Variants in LRMDA observed in about 807,000 individuals in gnomAD.
LRMDA encodes the protein leucine rich melanocyte differentiation associated, also known as leucine-rich melanocyte differentiation-associated protein.
Under a neutral mutation model 29.8 loss-of-function variants are expected in LRMDA, and 18 were observed. The observed-to-expected ratio is 0.60, with a 90% CI of 0.42 to 0.90. The LOEUF is 0.90. LRMDA is among the 40% of genes least tolerant of loss of function. The pLI is 0.00. For synonymous variants in LRMDA, 125 were observed against 109.4 expected (o/e 1.14, Z -0.89); for missense variants, 273 against 273.9 (o/e 1.00, Z 0.02).
intron 2 of LRMDA, among the ~76,000 whole-genome samples, chr10:75,947,979 C>T (rs1229591229): frequency 6.6e-6 from 1 of 152,180 alleles, no homozygotes; most frequent in Non-Finnish European, 1.5e-5. Flanking sequence ...TTGGGACCCC[C>T]ACTATTACTT....
At chr10:75,952,012 A>G (rs1211090780) in intron 2 of LRMDA, among the ~76,000 whole-genome samples, 1 of 152,158 alleles carries the variant, frequency 6.6e-6, no homozygotes, top group Non-Finnish European at 1.5e-5. Flanking sequence ...CTCAAATCTA[A>G]TGACTTTTAA....
At chr10:76,229,143 C>T (rs964653757) in intron 5 of LRMDA, among the ~76,000 whole-genome samples, 1 of 152,156 alleles carries the variant, frequency 6.6e-6, no homozygotes, top group African/African-American at 2.4e-5. Flanking sequence ...CAATAATATA[C>T]CAAGTATGTC....
intron 2 of LRMDA, among the ~76,000 whole-genome samples, chr10:75,689,470 G>A (rs1842119124): frequency 6.6e-6 from 1 of 152,218 alleles, no homozygotes; most frequent in African/African-American, 2.4e-5. Context: ...ATGCATGTGA[G>A]TCGTAAGGGG....
intron 2 of LRMDA, among the ~76,000 whole-genome samples, chr10:75,656,794 C>A (rs749443268): frequency 6.6e-6 from 1 of 152,058 alleles, no homozygotes; most frequent in Admixed American, 6.5e-5. Flanking sequence ...TATCACCATC[C>A]GGAATAATGT....
intron 2 of LRMDA, among the ~76,000 whole-genome samples, chr10:75,508,261 T>C (rs1001600995): frequency 2.5e-5 from 1 of 39,262 alleles, no homozygotes; most frequent in African/African-American, 4.4e-5. Flanking sequence ...ATGGTGGTGT[T>C]TTTTTCCCCC....
chr10:75,973,242 C>G (rs1344027054), intron 2 of LRMDA, among the ~76,000 whole-genome samples: 1 of 152,202 alleles, frequency 6.6e-6, no homozygotes, highest in Non-Finnish European at 1.5e-5. Context: ...TTGCCTAAGG[C>G]CATGCAGCAA....
intron 2 of LRMDA, among the ~76,000 whole-genome samples, chr10:75,831,247 C>T (rs533882674): frequency 5.3e-5 from 8 of 152,262 alleles, no homozygotes; most frequent in African/African-American, 1.9e-4. Context: ...CGAGGTTTTA[C>T]TGCGCTAACC....
At chr10:76,465,490 T>C (rs1842555268) in intron 6 of LRMDA, among the ~76,000 whole-genome samples, 1 of 152,086 alleles carries the variant, frequency 6.6e-6, no homozygotes, top group African/African-American at 2.4e-5. Flanking sequence ...CAGTGACCCA[T>C]AGCAATAAAG....
intron 2 of LRMDA, among the ~76,000 whole-genome samples, chr10:75,727,177 A>G (rs7923265): frequency 6.6e-6 from 1 of 152,134 alleles, no homozygotes; most frequent in South Asian, 2.1e-4. Flanking sequence ...TATCTTTGCC[A>G]TCCTTCACCT....
chr10:76,361,080 G>A (rs188716609), intron 6 of LRMDA, among the ~76,000 whole-genome samples: 36 of 152,088 alleles, frequency 2.4e-4, no homozygotes, highest in East Asian at 2.3e-3. Flanking sequence ...GGGCAACAAG[G>A]TGAAACCCCG....
intron 2 of LRMDA, among the ~76,000 whole-genome samples, chr10:75,514,424 G>T (rs1845265627): frequency 6.6e-6 from 1 of 151,880 alleles, no homozygotes; most frequent in Non-Finnish European, 1.5e-5. Flanking sequence ...GAAGAGGCTG[G>T]AGCAGTGGTC....
At chr10:76,092,459 T>C (rs1849246023) in intron 5 of LRMDA, among the ~76,000 whole-genome samples, 1 of 152,198 alleles carries the variant, frequency 6.6e-6, no homozygotes, top group Non-Finnish European at 1.5e-5. Flanking sequence ...GGAAGCCCTA[T>C]ATCCAATCTC....
At chr10:75,764,404 C>T (rs1843134828) in intron 2 of LRMDA, among the ~76,000 whole-genome samples, 1 of 152,178 alleles carries the variant, frequency 6.6e-6, no homozygotes, top group South Asian at 2.1e-4. Flanking sequence ...GCAAAACAGC[C>T]TGTTCCCAGC....
chr10:76,266,608 AG>A, intron 5 of LRMDA, among the ~76,000 whole-genome samples: 1 of 152,300 alleles, frequency 6.6e-6, no homozygotes, highest in South Asian at 2.1e-4. Context: ...AAAAGCGAGG[AG>A]GTAGAACAGC....
chr10:75,598,678 A>G (rs1840836128), intron 2 of LRMDA, among the ~76,000 whole-genome samples: 1 of 151,430 alleles, frequency 6.6e-6, no homozygotes, highest in Non-Finnish European at 1.5e-5. Context: ...CTCGCGTACG[A>G]CTCCTGCGAG....
intron 2 of LRMDA, among the ~76,000 whole-genome samples, chr10:75,510,553 G>A (rs1845214238): frequency 6.6e-6 from 1 of 152,208 alleles, no homozygotes; most frequent in African/African-American, 2.4e-5. Context: ...GGCTTCTTGG[G>A]GGAAGAAATA....
At chr10:75,998,244 T>C (rs898545576) in intron 2 of LRMDA, among the ~76,000 whole-genome samples, 6 of 152,178 alleles carry the variant, frequency 3.9e-5, no homozygotes, top group African/African-American at 1.4e-4. Flanking sequence ...TATTCTATAG[T>C]ATTTGTTTTG....
At chr10:75,539,964 A>G (rs1345816773) in intron 2 of LRMDA, among the ~76,000 whole-genome samples, 1 of 152,184 alleles carries the variant, frequency 6.6e-6, no homozygotes, top group Non-Finnish European at 1.5e-5. Context: ...GTTAAAGGTT[A>G]TTAACAGATT....
intron 5 of LRMDA, among the ~76,000 whole-genome samples, chr10:76,319,853 T>C (rs1840747412): frequency 6.6e-6 from 1 of 152,122 alleles, no homozygotes; most frequent in African/African-American, 2.4e-5. Flanking sequence ...TGATGGGGAA[T>C]GAGTTGTAGA....
Sources: gnomAD v4.1 joint callset for allele counts (sites outside exome capture counted in the v4.1 genomes callset) on GRCh38, gnomAD v4.1.1 for gene constraint, MANE v1.5 for transcripts, NCBI Gene and HGNC (gene_info 2026-07-23, HGNC 2026-07-21) for gene names.